The following IFT140 variants were observed in gnomAD, a reference collection of about 807,000 sequenced individuals.
IFT140 encodes intraflagellar transport 140.
Under a neutral mutation model 164.6 loss-of-function variants are expected in IFT140, and 133 were observed. The observed-to-expected ratio is 0.81, with a 90% CI of 0.70 to 0.93. IFT140 has a LOEUF of 0.93. Among genes scored for constraint, IFT140 ranks in the 40% least tolerant of loss-of-function variants. The pLI, the probability that IFT140 is intolerant of heterozygous loss-of-function variation, is 0.00. For synonymous variants in IFT140, 860 were observed against 817.3 expected, an observed-to-expected ratio of 1.05 and a Z score of -0.89; for missense variants, 2,045 against 1,972.3, an observed-to-expected ratio of 1.04 and a Z score of -0.70.
intron 12 of IFT140, 32 bp from the exon 13 acceptor site, chr16:1,580,882 C>T: frequency 6.9e-7 from 1 of 1,443,950 alleles, no homozygotes; most frequent in South Asian, 1.1e-5. Context: ...AGGATGGCGG[C>T]CGCTCATCCG....
chr16:1,597,619 T>G (rs1211201421), intron 4 of IFT140, among the ~76,000 whole-genome samples: 1 of 152,116 alleles, frequency 6.6e-6, no homozygotes, highest in Non-Finnish European at 1.5e-5. Context: ...TCCCTCTTGA[T>G]TACTTCTCTT....
chr16:1,580,005 G>A (rs2034474322), intron 13 of IFT140, among the ~76,000 whole-genome samples: 1 of 151,370 alleles, frequency 6.6e-6, no homozygotes, highest in Non-Finnish European at 1.5e-5. Flanking sequence ...GGTCGCCCTG[G>A]CCCTCCCACA....
intron 12 of IFT140, among the ~76,000 whole-genome samples, chr16:1,582,094 G>A (rs1718897775): frequency 1.3e-5 from 2 of 152,202 alleles, no homozygotes; most frequent in Admixed American, 6.5e-5. Flanking sequence ...ACTGTGGAAT[G>A]GGGGGAGCTG....
chr16:1,604,328 C>T (rs2035954682), intron 3 of IFT140: 2 of 75,814 alleles, frequency 2.6e-5, no homozygotes, highest in Non-Finnish European at 4.4e-5. Flanking sequence ...GAGGGGGGAG[C>T]AGTTCCTAAG....
chr16:1,510,873 G>T lies in IFT140; in HGVS notation c.*71C>A. ...TTTTCCCAGCAAAAATGCTGGCTTT[G>T]CCACAGCTGACAAAAAAATTCCAGA... On this transcript the variant is annotated 3_prime_UTR_variant, in exon 31 of 31. Coordinates refer to ENST00000426508, the MANE Select transcript of IFT140 (RefSeq NM_014714.4). 7.2e-7 allele frequency: 1 copy of T among 1,381,424 alleles called. No individual in the cohort carries two copies. Among genetic ancestry groups the T allele is most frequent in the Non-Finnish European group, 1.0e-6 (1 of 990,386 alleles). The allele number at this position is 1,381,424 out of a possible 1,614,324, so 85.6% of individuals were successfully genotyped here.
Position 1,523,584 on chromosome 16 carries a change from G to C in IFT140, c.3387C>G (p.Cys1129Trp), listed in dbSNP as rs759180523. The change falls in exon 26 of 31, where the codon TGC becomes TGG. Residue 1129 changes from cysteine to tryptophan, a missense_variant. By Grantham distance (215) the Cys-to-Trp change is radical. Coordinates refer to ENST00000426508, the MANE Select transcript of IFT140 (RefSeq NM_014714.4). ...ETSDPALLAR[C>W]SDFFIEHSQY... ...GACTGTGCTCGATGAAGAAGTCGGA[G>C]CAGCGGGCCAGGAGCGCAGGGTCTG... 4.3e-6 allele frequency: 7 copies of C among 1,613,684 alleles called. No homozygotes were observed. Among genetic ancestry groups the C allele is most frequent in the Non-Finnish European group, 5.1e-6 (6 of 1,180,012 alleles).
intron 26 of IFT140, among the ~76,000 whole-genome samples, chr16:1,521,470 C>T (rs1254534853): frequency 6.6e-6 from 1 of 152,064 alleles, no homozygotes; most frequent in Non-Finnish European, 1.5e-5. Context: ...CTCACTGCAA[C>T]CTCCACCTCC....
At chr16:1,565,457 A>AG (rs2033659070) in intron 16 of IFT140, among the ~76,000 whole-genome samples, 3 of 151,734 alleles carry the variant, frequency 2.0e-5, no homozygotes, top group Non-Finnish European at 4.4e-5. Context: ...GGGGGAATCC[A>AG]GGGGGGCTGG....
At chr16:1,562,146 T>G in intron 17 of IFT140, 30 bp from the exon 18 acceptor site, 1 of 1,503,786 alleles carries the variant, frequency 6.6e-7, no homozygotes, top group Non-Finnish European at 8.9e-7. Flanking sequence ...ACTGTTCTGT[T>G]TTTTTTTTTA....
At chr16:1,594,350 A>G (rs2035343404) in intron 4 of IFT140, among the ~76,000 whole-genome samples, 2 of 151,912 alleles carry the variant, frequency 1.3e-5, no homozygotes, top group Admixed American at 6.6e-5. Flanking sequence ...CCTCCCGAGT[A>G]GCTGGGAATA....
intron 13 of IFT140, among the ~76,000 whole-genome samples, chr16:1,572,629 G>A (rs1233800626): frequency 5.9e-5 from 9 of 152,218 alleles, no homozygotes. Context: ...CTGGGCGACA[G>A]AGCAAGACTC....
chr16:1,581,445 C>T (rs1465718860), intron 12 of IFT140, among the ~76,000 whole-genome samples: 1 of 151,426 alleles, frequency 6.6e-6, no homozygotes, highest in African/African-American at 2.4e-5. Flanking sequence ...ACTAAAAATA[C>T]AAAAATTGGC....
Position 1,511,054 on chromosome 16 carries a change from GC to G in IFT140, c.4278del (p.Leu1427TrpfsTer111). The G allele has an allele frequency of 3.1e-6, 5 of 1,607,188 alleles. No individual in the cohort carries two copies. The highest frequency in any genetic ancestry group is 4.2e-6 in the Non-Finnish European group (5 of 1,176,748). On this transcript the variant is annotated frameshift_variant, in exon 31 of 31. Transcript: ENST00000426508. LOFTEE classifies it low-confidence loss of function (END_TRUNC). Reference sequence around the variant, plus strand: ...ACGGTGCGTGGCAGTGGGAGACCCAGCCCCCGGTGCACGGCGTCCACGGCCT... The same window carrying G: ...ACGGTGCGTGGCAGTGGGAGACCCAGCCCCGGTGCACGGCGTCCACGGCCT... The part of the protein sequence containing the change: ...SPQAVDAVHR[G>X]LGLPLPRTVP...
chr16:1,534,466 G>T, intron 19 of IFT140: 1 of 1,611,192 alleles, frequency 6.2e-7, no homozygotes, highest in Non-Finnish European at 8.5e-7. Context: ...CCTGGGGCCA[G>T]AGCCGGCCAG....
At chr16:1,586,518 G>A (rs919347548) in intron 9 of IFT140, among the ~76,000 whole-genome samples, 3 of 152,174 alleles carry the variant, frequency 2.0e-5, no homozygotes, top group African/African-American at 7.2e-5. Context: ...GGCCTGGCTC[G>A]GGGCTGCCCC....
chr16:1,544,487 G>A (rs191329637), intron 19 of IFT140, among the ~76,000 whole-genome samples: 20 of 150,922 alleles, frequency 1.3e-4, no homozygotes, highest in African/African-American at 4.4e-4. Context: ...GCCTGGCCAC[G>A]CCCCACTAAT....
chr16:1,524,943 C>T (rs1327804178), intron 22 of IFT140, 27 bp from the exon 23 acceptor site: 1 of 1,587,354 alleles, frequency 6.3e-7, no homozygotes, highest in Admixed American at 1.7e-5. Context: ...ACCATGGATT[C>T]TCCACCCGAG....
rs1462800587 is a variant in IFT140, at chr16:1,597,874, G to A, written c.369+4496C>T. 2.0e-5 allele frequency among the ~76,000 whole-genome samples: 3 copies of A among 152,002 alleles called. No homozygotes were observed. The East Asian group carries it at 5.8e-4, about 29-fold the overall frequency. On this transcript the variant is annotated intron_variant, in intron 4 of 30. Coordinates refer to ENST00000426508, the MANE Select transcript of IFT140 (RefSeq NM_014714.4). ...TGGGCTCAAGTGATTCTCCTGACTC[G>A]GCCTCCCAAGTAGGTGGGACTACAG...
intron 4 of IFT140, among the ~76,000 whole-genome samples, chr16:1,596,050 C>T (rs145676740): frequency 0.014 from 2,081 of 152,194 alleles, 51 homozygotes; most frequent in African/African-American, 0.046. Context: ...AGTGAGGCTC[C>T]GTCTAAAACA....
Sources: allele counts gnomAD v4.1 joint callset (sites outside exome capture counted in the v4.1 genomes callset), GRCh38; gene constraint gnomAD v4.1.1; transcripts MANE v1.5; gene names NCBI Gene and HGNC (gene_info 2026-07-23, HGNC 2026-07-21).